Variants in MYO9B observed in about 807,000 individuals in gnomAD.
The protein encoded by MYO9B is unconventional myosin-IXb.
Under a neutral mutation model 229.5 loss-of-function variants are expected in MYO9B, and 71 were observed. That is an observed-to-expected ratio of 0.31 (90% CI 0.26 to 0.38). The LOEUF is 0.38. Ranked by LOEUF, MYO9B falls within the 10% of genes least tolerant of loss-of-function variation. The pLI is 1.00. For synonymous variants in MYO9B, 1,185 were observed against 1,235.8 expected, an observed-to-expected ratio of 0.96 and a Z score of 0.86; for missense variants, 2,255 against 2,920.5, an observed-to-expected ratio of 0.77 and a Z score of 5.25.
chr19:17,199,711 T>A (rs1257121649), intron 24 of MYO9B, among the ~76,000 whole-genome samples: 2 of 149,434 alleles, frequency 1.3e-5, no homozygotes, highest in African/African-American at 4.9e-5. Context: ...TTTTTTTTTT[T>A]TTTTGTATTT....
chr19:17,105,592 T>G (rs1200217251), intron 2 of MYO9B, among the ~76,000 whole-genome samples: 1 of 152,178 alleles, frequency 6.6e-6, no homozygotes, highest in Non-Finnish European at 1.5e-5. Flanking sequence ...TGTGTCAGTT[T>G]CTTCACACGT....
At chr19:17,155,592 A>G (rs1419388266) in intron 6 of MYO9B, among the ~76,000 whole-genome samples, 1 of 152,104 alleles carries the variant, frequency 6.6e-6, no homozygotes, top group Non-Finnish European at 1.5e-5. Context: ...AGCCTGGGTA[A>G]CATAGCAAGA....
intron 20 of MYO9B, among the ~76,000 whole-genome samples, chr19:17,192,300 AG>A (rs1157271399): frequency 2.7e-5 from 3 of 113,162 alleles, no homozygotes; most frequent in African/African-American, 3.8e-5. Context: ...AAAAAAAAAA[AG>A]GGGGGGCCAC....
At chr19:17,168,596 G>A (rs2072686470) in intron 11 of MYO9B, among the ~76,000 whole-genome samples, 1 of 152,200 alleles carries the variant, frequency 6.6e-6, no homozygotes, top group South Asian at 2.1e-4. Flanking sequence ...AGGCACATCC[G>A]CCAGGAGTTT....
chr19:17,203,283 CA>C, intron 30 of MYO9B, 25 bp downstream of exon 30: 1 of 1,509,470 alleles, frequency 6.6e-7, no homozygotes, highest in Non-Finnish European at 9.0e-7. Context: ...CACCAGGCCC[CA>C]AAACCCTCCA....
At chr19:17,160,510 CTTTTTTTTT>C (rs34857957) in intron 8 of MYO9B, among the ~76,000 whole-genome samples, 14 of 128,172 alleles carry the variant, frequency 1.1e-4, no homozygotes, top group Non-Finnish European at 1.9e-4. Context: ...TCTTTTTTTT[CTTTTTTTTT>C]TTTTTTTTGA....
intron 1 of MYO9B, among the ~76,000 whole-genome samples, chr19:17,092,861 G>T (rs1210351930): frequency 6.6e-6 from 1 of 152,116 alleles, no homozygotes; most frequent in East Asian, 1.9e-4. Flanking sequence ...GTGTCCATGT[G>T]TGTGCTGTGT....
intron 2 of MYO9B, among the ~76,000 whole-genome samples, chr19:17,109,602 C>T (rs542735955): frequency 6.6e-6 from 1 of 152,234 alleles, no homozygotes; most frequent in East Asian, 1.9e-4. Flanking sequence ...TTCTGGAGGC[C>T]AGAAGTTGAA....
chr19:17,134,854 C>G (rs985897128), intron 2 of MYO9B, among the ~76,000 whole-genome samples: 3 of 152,168 alleles, frequency 2.0e-5, no homozygotes, highest in African/African-American at 7.2e-5. Context: ...ACCTCCACCT[C>G]CTGGGTTCAG....
chr19:17,138,475 C>T (rs1599361167), intron 2 of MYO9B, among the ~76,000 whole-genome samples: 1 of 152,106 alleles, frequency 6.6e-6, no homozygotes, highest in Non-Finnish European at 1.5e-5. Context: ...TTTGGGGTTT[C>T]GCCATGTTGC....
intron 1 of MYO9B, among the ~76,000 whole-genome samples, chr19:17,083,482 G>C (rs1298564338): frequency 6.6e-6 from 1 of 152,116 alleles, no homozygotes; most frequent in Non-Finnish European, 1.5e-5. Context: ...AGCACCCCCT[G>C]CTCTGTGTCT....
Position 17,191,131 on chromosome 19 carries a change from A to G in MYO9B, c.2723A>G (p.Lys908Arg), listed in dbSNP as rs1358129291. 1.2e-6 allele frequency: 2 copies of G among 1,612,660 alleles called. No individual in the cohort carries two copies. The highest frequency in any genetic ancestry group is 1.7e-6 in the Non-Finnish European group (2 of 1,179,364). The change falls in exon 20 of 40, where the codon AAG becomes AGG. Residue 908 changes from lysine to arginine, a missense_variant. Physicochemically the swap from Lys to Arg is conservative, Grantham distance 26. Transcript: ENST00000682292. ...FTEQFQVLLP[K>R]DAQPCREVIS... is the part of the protein sequence containing the mutation. ...GAGCAGTTCCAGGTGCTCCTGCCCAAGGATGCCCAGCCCTGCAGGGAGGTC... is the reference window on the plus strand; with the variant it reads ...GAGCAGTTCCAGGTGCTCCTGCCCAGGGATGCCCAGCCCTGCAGGGAGGTC...
At chr19:17,145,324 T>TA (rs2072395816) in intron 2 of MYO9B, 73 bp from the exon 3 acceptor site, 1 of 1,337,300 alleles carries the variant, frequency 7.5e-7, no homozygotes, top group Non-Finnish European at 1.1e-6. Context: ...AAGCACAGTG[T>TA]AAAATGAGAG....
intron 2 of MYO9B, among the ~76,000 whole-genome samples, chr19:17,120,863 A>C (rs1281293308): frequency 6.6e-6 from 1 of 152,208 alleles, no homozygotes; most frequent in Non-Finnish European, 1.5e-5. Flanking sequence ...CTGTAGTTGC[A>C]GATAACTCAG....
rs751973688 is a variant in MYO9B at position 17,102,211 on chromosome 19, A to G, written c.494A>G (p.Asn165Ser). The G allele has an allele frequency of 1.2e-6, 2 of 1,613,492 alleles. No homozygotes were observed. The highest frequency in any genetic ancestry group is 2.2e-5 in the South Asian group (2 of 91,078). The part of the protein sequence containing the change: ...PELTEGNLLK[N>S]LKHRFLQQKI... ...CTAACCGAGGGCAACCTCCTGAAGA[A>G]CCTCAAGCACCGCTTCCTGCAACAA... The change falls in exon 2 of 40, where the codon AAC (asparagine) becomes AGC (serine). Residue 165 changes from asparagine to serine, a missense_variant. Coordinates refer to ENST00000682292, the MANE Select transcript of MYO9B (RefSeq NM_004145.4).
rs558160952 is a variant in MYO9B, at chr19:17,185,058, C to G, written c.2496+71C>G. ...AGGCTTGTGTAGCTTCACCCGACAC[C>G]GAGCACAGCCCGTCTCTAGTAAAAA... On this transcript the variant is annotated intron_variant, in intron 17 of 39. Coordinates refer to ENST00000682292, the MANE Select transcript of MYO9B (RefSeq NM_004145.4). 19 of 1,601,982 alleles carry G rather than the reference C, an allele frequency of 1.2e-5. No individual in the cohort carries two copies. The African/African-American group carries it at 1.9e-4, about 16-fold the overall frequency.
Position 17,150,817 on chromosome 19 carries a change from C to T in MYO9B, c.936-1827C>T, listed in dbSNP as rs1411437654. Reference sequence around the variant, plus strand: ...TAGAACATATTTTTCCTCGAAAAAACATTCACTGCCACTACTTTTAGCATT... The same window carrying T: ...TAGAACATATTTTTCCTCGAAAAAATATTCACTGCCACTACTTTTAGCATT... On this transcript the variant is annotated intron_variant, in intron 3 of 39. Coordinates refer to ENST00000682292, the MANE Select transcript of MYO9B (RefSeq NM_004145.4). 2.8e-5 allele frequency among the ~76,000 whole-genome samples: 4 copies of T among 141,286 alleles called. No individual in the cohort carries two copies. The East Asian group carries it at 7.7e-4, about 27-fold the overall frequency. 92.7% of individuals were successfully genotyped at this position (141,286 alleles called of 152,430 possible). A position where few individuals can be genotyped will look rare whatever the true frequency, so the allele number is the denominator to read the frequency against.
intron 3 of MYO9B, among the ~76,000 whole-genome samples, chr19:17,151,567 G>A (rs187304309): frequency 2.7e-4 from 41 of 152,256 alleles, no homozygotes; most frequent in African/African-American, 9.6e-4. Flanking sequence ...GCTATGAATG[G>A]CCAGCAAGCA....
intron 19 of MYO9B, among the ~76,000 whole-genome samples, chr19:17,189,083 C>G (rs766377816): frequency 4.0e-5 from 6 of 151,500 alleles, no homozygotes; most frequent in African/African-American, 1.2e-4. Context: ...ATTGCTTGAA[C>G]CCGGGAGATG....
Sources: gnomAD v4.1 joint callset for allele counts (sites outside exome capture counted in the v4.1 genomes callset) on GRCh38, gnomAD v4.1.1 for gene constraint, MANE v1.5 for transcripts, NCBI Gene and HGNC (gene_info 2026-07-23, HGNC 2026-07-21) for gene names.